ABI3BP: variants seen among roughly 807,000 people sequenced by gnomAD.
ABI3BP encodes the protein ABI family member 3 binding protein, also known as target of Nesh-SH3.
In ABI3BP, 216 loss-of-function variants were observed where a neutral mutation model predicts 268.6. The observed-to-expected ratio is 0.80, with a 90% CI of 0.72 to 0.90. The LOEUF is 0.90. Among genes scored for constraint, ABI3BP ranks in the 40% least tolerant of loss-of-function variants. The pLI is 0.00. For missense variants in ABI3BP, 2,090 were observed against 2,182.4 expected (o/e 0.96, Z 0.84); for synonymous variants, 730 against 730.0 (o/e 1.00, Z 0.00).
chr3:100,896,637 T>C (rs2047842336), intron 4 of ABI3BP, among the ~76,000 whole-genome samples: 2 of 152,172 alleles, frequency 1.3e-5, no homozygotes, highest in Admixed American at 1.3e-4. Context: ...CCTTTCTCTC[T>C]CCATAACTTT....
intron 4 of ABI3BP, among the ~76,000 whole-genome samples, chr3:100,896,492 A>G (rs1405487611): frequency 6.6e-6 from 1 of 152,202 alleles, no homozygotes; most frequent in Non-Finnish European, 1.5e-5. Flanking sequence ...ATTATGCTAC[A>G]CAAGTTTGCC....
At chr3:100,856,336 T>A (rs1177211780) in intron 14 of ABI3BP, among the ~76,000 whole-genome samples, 1 of 152,218 alleles carries the variant, frequency 6.6e-6, no homozygotes, top group Non-Finnish European at 1.5e-5. Flanking sequence ...TTACTCTACT[T>A]CTACAAAGTA....
At chr3:100,904,307 T>A (rs1050076571) in intron 2 of ABI3BP, among the ~76,000 whole-genome samples, 1 of 152,146 alleles carries the variant, frequency 6.6e-6, no homozygotes, top group Non-Finnish European at 1.5e-5. Flanking sequence ...GCTGTCACCA[T>A]CTTGAAATTC....
At chr3:100,902,954 G>A (rs549677615) in intron 2 of ABI3BP, among the ~76,000 whole-genome samples, 4 of 152,252 alleles carry the variant, frequency 2.6e-5, no homozygotes, top group South Asian at 4.2e-4. Flanking sequence ...GATTTTAAAC[G>A]CTGTCTTCAT....
At chr3:100,866,806 A>T in intron 10 of ABI3BP, 73 bp downstream of exon 10, 1 of 1,267,098 alleles carries the variant, frequency 7.9e-7, no homozygotes. Context: ...TACTGAAAAA[A>T]AGACTGCAGA....
chr3:100,901,152 C>A (rs956364258), intron 3 of ABI3BP, among the ~76,000 whole-genome samples: 1 of 151,986 alleles, frequency 6.6e-6, no homozygotes, highest in Non-Finnish European at 1.5e-5. Context: ...TTGTAAGGAG[C>A]GATTGGAATT....
intron 1 of ABI3BP, among the ~76,000 whole-genome samples, chr3:100,954,708 G>T (rs1441458343): frequency 2.0e-5 from 3 of 152,130 alleles, no homozygotes; most frequent in Non-Finnish European, 2.9e-5. Flanking sequence ...GATCTTGGTA[G>T]ATAATCTTAG....
chr3:100,883,819 C>A (rs552570262), intron 6 of ABI3BP, among the ~76,000 whole-genome samples: 1 of 152,146 alleles, frequency 6.6e-6, no homozygotes, highest in African/African-American at 2.4e-5. Context: ...GTGAACAAAG[C>A]TTTATCACAA....
At chr3:100,806,183 T>G (rs2097700577) in intron 50 of ABI3BP, among the ~76,000 whole-genome samples, 1 of 152,020 alleles carries the variant, frequency 6.6e-6, no homozygotes, top group Admixed American at 6.6e-5. Flanking sequence ...AAACTAACAA[T>G]AAAAGTTACA....
At chr3:100,850,539 G>T in intron 16 of ABI3BP, 121 bp downstream of exon 16, 1 of 727,638 alleles carries the variant, frequency 1.4e-6, no homozygotes. Flanking sequence ...TATATATTGA[G>T]AAATAGGATA....
At chr3:100,988,912 C>T (rs946389397) in intron 1 of ABI3BP, among the ~76,000 whole-genome samples, 30 of 152,212 alleles carry the variant, frequency 2.0e-4, no homozygotes, top group Admixed American at 2.0e-4. Context: ...ATTACTTAAA[C>T]ACTCTGAGGC....
chr3:100,969,461 G>A (rs1198150359), intron 1 of ABI3BP, among the ~76,000 whole-genome samples: 5 of 152,174 alleles, frequency 3.3e-5, no homozygotes, highest in Admixed American at 6.5e-5. Flanking sequence ...GGATGGGCTC[G>A]CCCAATAAAT....
intron 2 of ABI3BP, among the ~76,000 whole-genome samples, chr3:100,906,106 G>A (rs763628866): frequency 5.9e-5 from 9 of 152,128 alleles, no homozygotes; most frequent in Admixed American, 2.6e-4. Flanking sequence ...CTCTAGCAGA[G>A]TCTCTTAGAG....
chr3:100,885,268 T>TA (rs2041429020), intron 6 of ABI3BP, among the ~76,000 whole-genome samples: 1 of 152,078 alleles, frequency 6.6e-6, no homozygotes, highest in African/African-American at 2.4e-5. Context: ...ATAATATGTA[T>TA]AACCTTGAAA....
At chr3:100,855,756 T>C (rs898036937) in intron 14 of ABI3BP, among the ~76,000 whole-genome samples, 24 of 151,988 alleles carry the variant, frequency 1.6e-4, no homozygotes, top group African/African-American at 5.8e-4. Flanking sequence ...GTCATGGAAA[T>C]GGAATTCTAA....
intron 60 of ABI3BP, 117 bp from the exon 61 acceptor site, chr3:100,774,790 T>C: frequency 1.2e-6 from 1 of 832,822 alleles, no homozygotes; most frequent in East Asian, 2.7e-5. Context: ...CTTGCAGTTT[T>C]GATTTTTTAA....
intron 51 of ABI3BP, among the ~76,000 whole-genome samples, chr3:100,803,860 G>C (rs987261690): frequency 6.6e-6 from 1 of 152,130 alleles, no homozygotes; most frequent in Non-Finnish European, 1.5e-5. Context: ...CCACCAAAGT[G>C]ACTATACCAC....
chr3:100,948,775 T>C (rs773527948), intron 1 of ABI3BP, among the ~76,000 whole-genome samples: 1 of 152,162 alleles, frequency 6.6e-6, no homozygotes, highest in Non-Finnish European at 1.5e-5. Context: ...ATTTTTCAAA[T>C]TTCAGAATTT....
At chr3:100,861,545 GGTC>G (rs2098998717) in intron 14 of ABI3BP, among the ~76,000 whole-genome samples, 1 of 152,076 alleles carries the variant, frequency 6.6e-6, no homozygotes, top group Non-Finnish European at 1.5e-5. Context: ...TGGTTTCTGA[GGTC>G]TTCTTATAAT....
Sources: allele counts gnomAD v4.1 joint callset (sites outside exome capture counted in the v4.1 genomes callset), GRCh38; gene constraint gnomAD v4.1.1; transcripts MANE v1.5; gene names NCBI Gene and HGNC (gene_info 2026-07-23, HGNC 2026-07-21).